Variants in MAU2 observed in about 807,000 individuals in gnomAD.
MAU2 encodes the protein MAU2 chromatid cohesion factor homolog.
A neutral mutation model predicts 89.1 loss-of-function variants in MAU2; 9 were observed. That is an observed-to-expected ratio of 0.10 (90% confidence interval 0.06 to 0.18). The LOEUF (loss-of-function observed/expected upper bound fraction) is 0.18, where lower values mean the gene tolerates loss of function less well. Among genes scored for constraint, MAU2 ranks in the 10% least tolerant of loss-of-function variants. The pLI is 1.00. For missense variants in MAU2, 425 were observed against 803.5 expected, an observed-to-expected ratio of 0.53 and a Z score of 5.69; for synonymous variants, 357 against 343.4, an observed-to-expected ratio of 1.04 and a Z score of -0.44.
At chr19:19,324,584 C>A (rs1477607283) in intron 1 of MAU2, among the ~76,000 whole-genome samples, 1 of 152,220 alleles carries the variant, frequency 6.6e-6, no homozygotes, top group African/African-American at 2.4e-5. Context: ...CCACTCAGCC[C>A]TGTCTAGGAG....
chr19:19,355,204 T>C, intron 17 of MAU2, 60 bp from the exon 18 acceptor site: 3 of 1,606,984 alleles, frequency 1.9e-6, no homozygotes, highest in South Asian at 1.1e-5. Context: ...CTGCACCGAG[T>C]GGGAGGGCCT....
intron 7 of MAU2, 98 bp downstream of exon 7, chr19:19,341,505 C>T (rs770338045): frequency 1.4e-4 from 195 of 1,434,032 alleles, no homozygotes; most frequent in South Asian, 3.9e-4. Flanking sequence ...GCTGTGTCAT[C>T]GCCTTACCTT....
At position 19,355,256 on chromosome 19, in the gene MAU2, A is replaced by C; in HGVS notation, c.1640-8A>C. ...AGGCGGGCCCCCATGCTCATGTCCC[A>C]CTCTCAGACCTGAATAAAGCCTGTG... On this transcript the variant is annotated splice_polypyrimidine_tract_variant and splice_region_variant and intron_variant, in intron 17 of 18. Transcript: ENST00000262815. 6.2e-7 allele frequency: 1 copy of C among 1,613,608 alleles called. No individual in the cohort carries two copies. Among genetic ancestry groups the C allele is most frequent in the South Asian group, 1.1e-5 (1 of 91,072 alleles).
intron 1 of MAU2, among the ~76,000 whole-genome samples, chr19:19,328,159 C>CAA (rs946417731): frequency 5.6e-5 from 5 of 89,122 alleles, no homozygotes; most frequent in East Asian, 3.3e-4. Context: ...GACCCTGTCT[C>CAA]AAAAAAAAAA....
At chr19:19,339,008 A>G in intron 5 of MAU2, 69 bp downstream of exon 5, 1 of 1,262,296 alleles carries the variant, frequency 7.9e-7, no homozygotes, top group Non-Finnish European at 1.1e-6. Flanking sequence ...TTGGTCCAGG[A>G]CAAATAACAG....
intron 1 of MAU2, among the ~76,000 whole-genome samples, chr19:19,330,841 C>T (rs767853224): frequency 3.3e-5 from 5 of 152,118 alleles, no homozygotes; most frequent in Non-Finnish European, 7.4e-5. Context: ...TTTGAGGTTA[C>T]AGTGAGGACC....
intron 9 of MAU2, 98 bp from the exon 10 acceptor site, chr19:19,343,739 G>C (rs1338870011): frequency 1.2e-6 from 1 of 838,912 alleles, no homozygotes; most frequent in Non-Finnish European, 2.0e-6. Flanking sequence ...TGCCTAGCCA[G>C]TGTGGCAGGA....
At chr19:19,354,512 G>A in intron 17 of MAU2, 67 bp downstream of exon 17, 3 of 1,386,944 alleles carry the variant, frequency 2.2e-6, no homozygotes, top group Non-Finnish European at 3.0e-6. Flanking sequence ...AAGGCTGCTG[G>A]GCATGTCCTG....
At chr19:19,347,572 C>T (rs367869366) in intron 13 of MAU2, 2 of 559,296 alleles carry the variant, frequency 3.6e-6, no homozygotes, top group South Asian at 2.2e-5. Flanking sequence ...GGGACAAAAA[C>T]ATTCCCATAG....
At position 19,354,458 on chromosome 19, in the gene MAU2, G is replaced by A. The variant is rs1362344957; in HGVS notation, c.1639+13G>A. ...GCACTGCTGAGAGGTGAGTGCAATG[G>A]CCACCCCTCTTCCCCAGCCCCAGCC... On this transcript the variant is annotated intron_variant, in intron 17 of 18. Transcript: ENST00000262815. 1 of 1,607,770 alleles carries A rather than the reference G, an allele frequency of 6.2e-7. No homozygotes were observed. Among genetic ancestry groups the A allele is most frequent in the Non-Finnish European group, 8.5e-7 (1 of 1,175,540 alleles).
At chr19:19,325,674 T>C (rs2061497816) in intron 1 of MAU2, among the ~76,000 whole-genome samples, 1 of 152,066 alleles carries the variant, frequency 6.6e-6, no homozygotes, top group South Asian at 2.1e-4. Context: ...AAACAAGGTT[T>C]CATCATGTTA....
chr19:19,345,283 G>A lies in MAU2; in HGVS notation c.1156-21G>A, dbSNP rs1431154014. 4.3e-6 allele frequency: 7 copies of A among 1,611,770 alleles called. No individual in the cohort carries two copies. Among genetic ancestry groups the A allele is most frequent in the Non-Finnish European group, 5.9e-6 (7 of 1,178,296 alleles). On this transcript the variant is annotated intron_variant, in intron 11 of 18. Coordinates refer to ENST00000262815, the MANE Select transcript of MAU2 (RefSeq NM_015329.4). This position sits in a 1 kb window ranked among gnomAD's most constrained non-coding sequence, Gnocchi z 4.9. ...CCCCTCCCCAGGGGCCGGCCCTGAT[G>A]ACAACACCACCTTCTTCCAGGGCCT...
intron 16 of MAU2, 71 bp from the exon 17 acceptor site, chr19:19,354,284 C>T: frequency 8.1e-7 from 1 of 1,239,478 alleles, no homozygotes; most frequent in South Asian, 1.2e-5. Flanking sequence ...ATTATCCCCA[C>T]CCCAACCTGG....
chr19:19,341,543 C>A, intron 7 of MAU2, 136 bp downstream of exon 7: 1 of 1,050,158 alleles, frequency 9.5e-7, no homozygotes, highest in Non-Finnish European at 1.4e-6. Context: ...TCATACCAGT[C>A]CCGGACACAC....
rs1034024002 is a variant in MAU2, at chr19:19,321,048, C to G, written c.189C>G (p.Ile63Met). 3 of 1,613,006 alleles carry G rather than the reference C, an allele frequency of 1.9e-6. No homozygotes were observed. ...TCCCCTTCAAGCCGCCGCAGCGCAT[C>G]GAGGCCCGTACACACCTGCAGCTGG... is the stretch of plus-strand genomic sequence containing the variant. Reference protein sequence around the residue: ...AVFPFKPPQRIEARTHLQLGS... With the variant: ...AVFPFKPPQRMEARTHLQLGS... The change falls in exon 1 of 19, where the codon ATC (isoleucine) becomes ATG (methionine). Residue 63 changes from isoleucine to methionine, a missense_variant. This residue lies in a region of MAU2 where 57 missense variants were observed against 57.5 expected (regional missense o/e 0.99). Transcript: ENST00000262815.
chr19:19,343,635 C>T (rs1446456164), intron 9 of MAU2, among the ~76,000 whole-genome samples: 1 of 152,196 alleles, frequency 6.6e-6, no homozygotes, highest in African/African-American at 2.4e-5. Context: ...TGGGAACCAA[C>T]CTCTGGCTCC....
rs529225161 is a variant in MAU2 at position 19,356,065 on chromosome 19, C to G, written c.*283C>G. On this transcript the variant is annotated 3_prime_UTR_variant, in exon 19 of 19. Transcript: ENST00000262815. ...CTCAGTGCCAGTCCTGCCTCAGCAT[C>G]TGGGTCACGTCGGCCAGGAGTAGGG... is the stretch of plus-strand genomic sequence containing the variant. 23 of 599,620 alleles carry G rather than the reference C, an allele frequency of 3.8e-5. No individual in the cohort carries two copies. In the East Asian group the frequency reaches 8.2e-4, roughly 21 times the overall value. 37.1% of individuals were successfully genotyped at this position (599,620 alleles called of 1,614,324 possible). A position where few individuals can be genotyped will look rare whatever the true frequency, so the allele number is the denominator to read the frequency against.
chr19:19,342,429 G>T, intron 7 of MAU2, 106 bp from the exon 8 acceptor site: 1 of 1,389,474 alleles, frequency 7.2e-7, no homozygotes, highest in Admixed American at 2.4e-5. Flanking sequence ...CCTGGCAGAA[G>T]GGGAAGGCAG....
intron 4 of MAU2, among the ~76,000 whole-genome samples, chr19:19,337,946 C>T (rs1160613576): frequency 6.6e-6 from 1 of 152,222 alleles, no homozygotes; most frequent in Non-Finnish European, 1.5e-5. Flanking sequence ...GGCACCTCTC[C>T]TGTCCTGGGC....
Sources: gnomAD v4.1 joint callset for allele counts (sites outside exome capture counted in the v4.1 genomes callset) on GRCh38, gnomAD v4.1.1 for gene constraint, gnomAD v4.1.1 regional missense constraint, Gnocchi (gnomAD v3.1) non-coding constraint, MANE v1.5 for transcripts, NCBI Gene and HGNC (gene_info 2026-07-23, HGNC 2026-07-21) for gene names.